The following LRRK1 variants were observed in gnomAD, a reference collection of about 807,000 sequenced individuals.
The protein encoded by LRRK1 is leucine rich repeat kinase 1, also known as leucine-rich repeat serine/threonine-protein kinase 1.
A neutral mutation model predicts 209.1 loss-of-function variants in LRRK1; 113 were observed. That is an observed-to-expected ratio of 0.54 (90% CI 0.46 to 0.63). LRRK1 has a LOEUF of 0.63. Ranked by LOEUF, LRRK1 falls within the 30% of genes least tolerant of loss-of-function variation. LRRK1 has a pLI of 0.00. For synonymous variants in LRRK1, 1,144 were observed against 1,099.7 expected, an observed-to-expected ratio of 1.04 and a Z score of -0.80; for missense variants, 2,284 against 2,632.2, an observed-to-expected ratio of 0.87 and a Z score of 2.89.
intron 6 of LRRK1, among the ~76,000 whole-genome samples, chr15:100,992,045 C>CTT (rs1016777285): frequency 6.6e-6 from 1 of 152,072 alleles, no homozygotes; most frequent in Admixed American, 6.5e-5. Flanking sequence ...TGCTCATTGT[C>CTT]TTTTTTTAAC....
At chr15:100,956,741 G>A (rs1309336433) in intron 2 of LRRK1, among the ~76,000 whole-genome samples, 2 of 151,982 alleles carry the variant, frequency 1.3e-5, no homozygotes, top group African/African-American at 4.8e-5. Context: ...GGGATTGCAG[G>A]CGTGAGCCAC....
intron 17 of LRRK1, among the ~76,000 whole-genome samples, chr15:101,026,971 T>C (rs1032523839): frequency 6.6e-6 from 1 of 151,926 alleles, no homozygotes; most frequent in East Asian, 1.9e-4. Flanking sequence ...TGTGTGAGCC[T>C]GTGCCTGCCC....
At chr15:100,962,820 T>TACATATATATATATATAC (rs370496273) in intron 2 of LRRK1, among the ~76,000 whole-genome samples, 9 of 27,484 alleles carry the variant, frequency 3.3e-4, no homozygotes, top group Admixed American at 3.9e-4. Flanking sequence ...TATATATATA[T>TACATATATATATATATAC]ATATTTTTTT....
chr15:101,043,768 A>ATAAT (rs2034897178), intron 20 of LRRK1: 2 of 152,298 alleles, frequency 1.3e-5, no homozygotes, highest in African/African-American at 4.8e-5. Flanking sequence ...TGGGTATAAT[A>ATAAT]TAATTACCAT....
chr15:101,022,247 C>T lies in LRRK1; in HGVS notation c.1853-136C>T. Reference sequence around the variant, plus strand: ...GGTGGTTAGTGTCATGCCTTCCCTCCCCCTGATCCAGTAGTCTTCCTTAAC... The same window carrying T: ...GGTGGTTAGTGTCATGCCTTCCCTCTCCCTGATCCAGTAGTCTTCCTTAAC... On this transcript the variant is annotated intron_variant, in intron 14 of 33. Coordinates refer to ENST00000388948, the MANE Select transcript of LRRK1 (RefSeq NM_024652.6). The surrounding 1 kb of genome is among the most constrained non-coding windows in gnomAD (Gnocchi z 4.0). 4.6e-6 allele frequency: 4 copies of T among 862,838 alleles called. No homozygotes were observed. The highest frequency in any genetic ancestry group is 7.3e-6 in the Non-Finnish European group (4 of 545,762). 53.4% of individuals were successfully genotyped at this position (862,838 alleles called of 1,614,324 possible).
At chr15:100,937,736 C>T (rs1306478790) in intron 2 of LRRK1, among the ~76,000 whole-genome samples, 8 of 151,496 alleles carry the variant, frequency 5.3e-5, no homozygotes, top group Non-Finnish European at 1.2e-4. Context: ...GGGGTTTCAC[C>T]GTGTTAGCCA....
chr15:100,947,311 G>GA lies in LRRK1; in HGVS notation c.97+22589dup, dbSNP rs554605134. ...ATTAGGCAGTTTAATTTAGTTAATAGAAAAAAATAGAAACAATTGATAAAC... is the reference window on the plus strand; with the variant it reads ...ATTAGGCAGTTTAATTTAGTTAATAGAAAAAAAATAGAAACAATTGATAAAC... On this transcript the variant is annotated intron_variant, in intron 2 of 33. Coordinates refer to ENST00000388948, the MANE Select transcript of LRRK1 (RefSeq NM_024652.6). 2.5e-4 allele frequency among the ~76,000 whole-genome samples: 38 copies of GA among 151,974 alleles called. 1 individual carries two copies. Among genetic ancestry groups the GA allele is most frequent in the South Asian group, 1.0e-3 (5 of 4,816 alleles).
intron 20 of LRRK1, among the ~76,000 whole-genome samples, chr15:101,034,303 C>T (rs892194139): frequency 2.4e-4 from 37 of 152,154 alleles, no homozygotes; most frequent in African/African-American, 6.7e-4. Context: ...TTTGTGTTTT[C>T]GAGGTCTTAG....
At chr15:100,941,679 C>T (rs574029122) in intron 2 of LRRK1, among the ~76,000 whole-genome samples, 1 of 152,178 alleles carries the variant, frequency 6.6e-6, no homozygotes, top group Non-Finnish European at 1.5e-5. Context: ...CAGCATTTGT[C>T]ACAATAGCCT....
rs1307672133 is a variant in LRRK1, at chr15:101,074,775, C to A, written c.*5927C>A. The A allele has an allele frequency of 6.6e-6, 1 of 151,468 alleles. No individual in the cohort carries two copies. The highest frequency in any genetic ancestry group is 1.5e-5 in the Non-Finnish European group (1 of 67,546). The allele number at this position is 151,468 out of a possible 1,614,324, so 9.4% of individuals were successfully genotyped here. ...AAACACCTGAACTGCAGCGGCCAGG[C>A]ATTCCTCCAGAACCTCCTCCCCCAG... is the stretch of plus-strand genomic sequence containing the variant. On this transcript the variant is annotated 3_prime_UTR_variant, in exon 34 of 34. Coordinates refer to ENST00000388948, the MANE Select transcript of LRRK1 (RefSeq NM_024652.6).
chr15:100,958,045 A>G (rs934131534), intron 2 of LRRK1, among the ~76,000 whole-genome samples: 1 of 152,102 alleles, frequency 6.6e-6, no homozygotes, highest in Non-Finnish European at 1.5e-5. Context: ...TTTGTGTGAC[A>G]GGGTTTCACC....
intron 6 of LRRK1, among the ~76,000 whole-genome samples, chr15:101,003,033 T>C (rs1270693182): frequency 1.3e-5 from 2 of 152,220 alleles, no homozygotes; most frequent in Non-Finnish European, 2.9e-5. Context: ...CGCCCAGCCC[T>C]GGACAACTTT....
chr15:101,031,769 C>A (rs1437657673), intron 20 of LRRK1, among the ~76,000 whole-genome samples: 1 of 150,618 alleles, frequency 6.6e-6, no homozygotes, highest in Admixed American at 6.6e-5. Flanking sequence ...GAGTCTCGCT[C>A]TGTCGCCCAG....
chr15:100,956,879 G>A (rs1011278247), intron 2 of LRRK1, among the ~76,000 whole-genome samples: 1 of 152,154 alleles, frequency 6.6e-6, no homozygotes, highest in Non-Finnish European at 1.5e-5. Context: ...AAAGTGTAAA[G>A]TTAGTTTGTC....
chr15:100,961,746 C>G (rs965891750), intron 2 of LRRK1, among the ~76,000 whole-genome samples: 1 of 151,734 alleles, frequency 6.6e-6, no homozygotes, highest in African/African-American at 2.4e-5. Context: ...AATCTCAGCT[C>G]TGTTGTTGGG....
chr15:100,988,750 G>A lies in LRRK1; in HGVS notation c.550G>A (p.Ala184Thr), dbSNP rs753664394. The change falls in exon 5 of 34, where the codon GCT becomes ACT. Residue 184 changes from alanine (A) to threonine (T), a missense_variant. Coordinates refer to ENST00000388948, the MANE Select transcript of LRRK1 (RefSeq NM_024652.6). ...GCACGGGGCTGACCCGGAGAGCTACGCTGTCAGGAAGAATGAGTTCCCTGT... is the reference window on the plus strand; with the variant it reads ...GCACGGGGCTGACCCGGAGAGCTACACTGTCAGGAAGAATGAGTTCCCTGT... ...LTHGADPESY[A>T]VRKNEFPVIV... The A allele has an allele frequency of 9.9e-6, 16 of 1,613,734 alleles. No homozygotes were observed. The African/African-American group carries it at 1.2e-4, about 12-fold the overall frequency.
At chr15:100,989,208 T>TCTC (rs57713827) in intron 5 of LRRK1, 42 bp from the exon 6 acceptor site, 180,203 of 1,575,700 alleles carry the variant, frequency 0.11, 11,046 homozygotes, top group African/African-American at 0.18. Flanking sequence ...ACTGTGACAC[T>TCTC]AGCATCTGCA....
chr15:101,027,189 G>T lies in LRRK1; in HGVS notation c.2406-72G>T. The T allele has an allele frequency of 1.3e-6, 2 of 1,585,716 alleles. No homozygotes were observed. Among genetic ancestry groups the T allele is most frequent in the Non-Finnish European group, 8.6e-7 (1 of 1,164,716 alleles). On this transcript the variant is annotated intron_variant, in intron 17 of 33. Transcript: ENST00000388948. The surrounding 1 kb of genome is among the most constrained non-coding windows in gnomAD (Gnocchi z 5.1). Reference sequence around the variant, plus strand: ...GCCAGCGTTCAGGACAAACCTCTCAGGGAAACAGAGAAGCAGCAGCGCTTC... The same window carrying T: ...GCCAGCGTTCAGGACAAACCTCTCATGGAAACAGAGAAGCAGCAGCGCTTC...
intron 7 of LRRK1, 106 bp downstream of exon 7, chr15:101,009,169 C>T (rs2033120914): frequency 3.3e-6 from 3 of 898,076 alleles, no homozygotes; most frequent in Non-Finnish European, 3.4e-6. Context: ...GAAAAATGTT[C>T]TGGCTAAAAT....
Sources: allele counts gnomAD v4.1 joint callset (sites outside exome capture counted in the v4.1 genomes callset), GRCh38; gene constraint gnomAD v4.1.1; non-coding constraint Gnocchi (gnomAD v3.1); transcripts MANE v1.5; gene names NCBI Gene and HGNC (gene_info 2026-07-23, HGNC 2026-07-21).